Variants in FLRT2 observed in about 807,000 individuals in gnomAD.
FLRT2 encodes the protein fibronectin leucine rich transmembrane protein 2.
A neutral mutation model predicts 40.0 loss-of-function variants in FLRT2; 15 were observed. The observed-to-expected ratio is 0.38, with a 90% CI of 0.25 to 0.58. The LOEUF (loss-of-function observed/expected upper bound fraction) is 0.58, where lower values mean the gene tolerates loss of function less well. Ranked by LOEUF, FLRT2 falls within the 20% of genes least tolerant of loss-of-function variation. The probability of loss-of-function intolerance (pLI) is 0.71; values close to 1 mark genes in which losing one functional copy is unlikely to be tolerated. For missense variants in FLRT2, 726 were observed against 840.0 expected (o/e 0.86, Z 1.68); for synonymous variants, 380 against 336.8 (o/e 1.13, Z -1.41).
In FLRT2 at chr14:85,601,310, C is replaced by T. The variant is rs138167849; in HGVS notation, c.-376-19829C>T. Among the ~76,000 whole-genome samples the T allele has an allele frequency of 2.6e-3, 401 of 152,290 alleles. 2 individuals carry two copies. The highest frequency in any genetic ancestry group is 0.014 in the Middle Eastern group (4 of 294). ...CATGGACTAGTGGACCATTGTTGAG[C>T]CATTTTTTAAGCATTGCTTACAAGC... On this transcript the variant is annotated intron_variant, in intron 1 of 1. Transcript: ENST00000330753.
intron 1 of FLRT2, among the ~76,000 whole-genome samples, chr14:85,576,259 G>T (rs1345279079): frequency 6.6e-6 from 1 of 152,098 alleles, no homozygotes; most frequent in Non-Finnish European, 1.5e-5. Context: ...TTAATTATAA[G>T]TATTTACTTT....
chr14:85,560,670 AG>A (rs1051053545), intron 1 of FLRT2, among the ~76,000 whole-genome samples: 9 of 151,932 alleles, frequency 5.9e-5, no homozygotes, highest in Non-Finnish European at 1.3e-4. Flanking sequence ...CTCATAAAGC[AG>A]TCTTCACACA....
At chr14:85,598,785 C>T (rs112383448) in intron 1 of FLRT2, among the ~76,000 whole-genome samples, 3,474 of 152,164 alleles carry the variant, frequency 0.023, 139 homozygotes, top group African/African-American at 0.08. Context: ...TGTAGGTCTT[C>T]GGAATTCAAT....
intron 1 of FLRT2, among the ~76,000 whole-genome samples, chr14:85,593,991 G>A (rs545510388): frequency 7.1e-4 from 108 of 152,140 alleles, no homozygotes; most frequent in South Asian, 2.5e-3. Context: ...GCAGTGAGCC[G>A]AGATCATGCC....
chr14:85,570,728 C>G (rs536010905), intron 1 of FLRT2, among the ~76,000 whole-genome samples: 20 of 151,696 alleles, frequency 1.3e-4, no homozygotes, highest in Non-Finnish European at 2.8e-4. Context: ...ACTCCAGGCA[C>G]CCGCCACCAT....
intron 1 of FLRT2, among the ~76,000 whole-genome samples, chr14:85,603,929 A>C (rs1417162288): frequency 6.6e-6 from 1 of 152,220 alleles, no homozygotes; most frequent in Non-Finnish European, 1.5e-5. Context: ...GTTTCTGGAT[A>C]ACATAAGGTA....
intron 1 of FLRT2, among the ~76,000 whole-genome samples, chr14:85,535,739 A>G (rs1442626882): frequency 2.6e-5 from 4 of 152,148 alleles, no homozygotes; most frequent in Non-Finnish European, 5.9e-5. Flanking sequence ...TGTCATGTTG[A>G]GTTGCAAATA....
At chr14:85,534,632 G>GCCTCC (rs1243431444) in intron 1 of FLRT2, among the ~76,000 whole-genome samples, 1 of 151,728 alleles carries the variant, frequency 6.6e-6, no homozygotes, top group Non-Finnish European at 1.5e-5. Flanking sequence ...TGTGTTTGGG[G>GCCTCC]GAGGGGGTTA....
intron 1 of FLRT2, among the ~76,000 whole-genome samples, chr14:85,548,898 G>GC (rs1249517932): frequency 6.6e-6 from 1 of 152,086 alleles, no homozygotes; most frequent in Non-Finnish European, 1.5e-5. Context: ...AAAACCACAG[G>GC]CCCCACCAGC....
intron 1 of FLRT2, among the ~76,000 whole-genome samples, chr14:85,597,976 T>G (rs1296038764): frequency 6.6e-6 from 1 of 152,190 alleles, no homozygotes; most frequent in Non-Finnish European, 1.5e-5. Flanking sequence ...TTGTCTGCAG[T>G]TGGGAACTCA....
At chr14:85,620,472 T>A (rs1893332378) in intron 1 of FLRT2, among the ~76,000 whole-genome samples, 1 of 152,222 alleles carries the variant, frequency 6.6e-6, no homozygotes, top group Non-Finnish European at 1.5e-5. Context: ...AATTTTCCAT[T>A]AAGCATGAAT....
chr14:85,537,845 G>GTTTTTTT (rs55897031), intron 1 of FLRT2, among the ~76,000 whole-genome samples: 1 of 146,494 alleles, frequency 6.8e-6, no homozygotes. Flanking sequence ...TTCATGTTTT[G>GTTTTTTT]TTTTTTTTTT....
chr14:85,534,075 G>C (rs966978585), intron 1 of FLRT2, among the ~76,000 whole-genome samples: 18 of 152,196 alleles, frequency 1.2e-4, no homozygotes, highest in Non-Finnish European at 1.9e-4. Context: ...TGGCCCTCGC[G>C]GGTCTGGCAG....
Position 85,630,996 on chromosome 14 carries a change from T to C in FLRT2, c.*7499T>C, listed in dbSNP as rs1268819508. On this transcript the variant is annotated 3_prime_UTR_variant, in exon 2 of 2. Coordinates refer to ENST00000330753, the MANE Select transcript of FLRT2 (RefSeq NM_013231.6). ...CTTGCAAGATAGAATTCAAACTCTT[T>C]GTGTGACTTATGTATCCTACTACAT... The C allele has an allele frequency of 6.6e-6, 1 of 151,384 alleles. No homozygotes were observed. The highest frequency in any genetic ancestry group is 2.1e-4 in the South Asian group (1 of 4,800). 9.4% of individuals were successfully genotyped at this position (151,384 alleles called of 1,614,324 possible). A position where few individuals can be genotyped will look rare whatever the true frequency, so the allele number is the denominator to read the frequency against.
At chr14:85,610,402 G>T (rs1892806671) in intron 1 of FLRT2, among the ~76,000 whole-genome samples, 1 of 152,022 alleles carries the variant, frequency 6.6e-6, no homozygotes, top group Non-Finnish European at 1.5e-5. Flanking sequence ...CTCTTTATTG[G>T]CTAGATCCAG....
At chr14:85,556,370 T>G (rs1889965492) in intron 1 of FLRT2, among the ~76,000 whole-genome samples, 1 of 152,184 alleles carries the variant, frequency 6.6e-6, no homozygotes, top group Non-Finnish European at 1.5e-5. Flanking sequence ...CCCATACAAG[T>G]AGTGATGTGT....
intron 1 of FLRT2, among the ~76,000 whole-genome samples, chr14:85,607,217 T>C (rs1174626564): frequency 6.6e-6 from 1 of 152,094 alleles, no homozygotes; most frequent in Non-Finnish European, 1.5e-5. Context: ...GACTTTCTAA[T>C]GGGGGATTGA....
rs1894097050 is a variant in FLRT2 at position 85,639,569 on chromosome 14, T to C, written c.*16072T>C. 6.6e-6 allele frequency: 1 copy of C among 152,208 alleles called. No individual in the cohort carries two copies. Among genetic ancestry groups the C allele is most frequent in the Non-Finnish European group, 1.5e-5 (1 of 68,036 alleles). The allele number at this position is 152,208 out of a possible 1,614,324, so 9.4% of individuals were successfully genotyped here. A position where few individuals can be genotyped will look rare whatever the true frequency, so the allele number is the denominator to read the frequency against. On this transcript the variant is annotated 3_prime_UTR_variant, in exon 2 of 2. Coordinates refer to ENST00000330753, the MANE Select transcript of FLRT2 (RefSeq NM_013231.6). ...AATGATGGTAGCAATGATTGATTTA[T>C]CTCAATCTTCTTGTATAGCTGCTGA...
Position 85,643,499 on chromosome 14 carries a change from T to C in FLRT2, c.*20002T>C, listed in dbSNP as rs1894218326. 6.6e-6 allele frequency: 1 copy of C among 152,216 alleles called. No individual in the cohort carries two copies. The highest frequency in any genetic ancestry group is 2.4e-5 in the African/African-American group (1 of 41,284). 9.4% of individuals were successfully genotyped at this position (152,216 alleles called of 1,614,324 possible). A position where few individuals can be genotyped will look rare whatever the true frequency, so the allele number is the denominator to read the frequency against. ...CCTCCGCCTCCTGGGTTCAAGCGAT[T>C]CTCCTGCCTCAGCCTCCTGAGTAGC... On this transcript the variant is annotated 3_prime_UTR_variant, in exon 2 of 2. Transcript: ENST00000330753.
Sources: allele counts gnomAD v4.1 joint callset (sites outside exome capture counted in the v4.1 genomes callset), GRCh38; gene constraint gnomAD v4.1.1; transcripts MANE v1.5; gene names NCBI Gene and HGNC (gene_info 2026-07-23, HGNC 2026-07-21).